Variants in TFDP2 observed in about 807,000 individuals in gnomAD.
TFDP2 encodes transcription factor Dp-2.
Under a neutral mutation model 59.3 loss-of-function variants are expected in TFDP2, and 17 were observed. The observed-to-expected ratio is 0.29, with a 90% confidence interval of 0.20 to 0.43. The LOEUF is 0.43. Among genes scored for constraint, TFDP2 ranks in the 20% least tolerant of loss-of-function variants. The pLI is 1.00. For missense variants in TFDP2, 391 were observed against 528.8 expected (o/e 0.74, Z 2.56); for synonymous variants, 180 against 194.7 (o/e 0.92, Z 0.63).
At chr3:141,992,711 CACT>C (rs1942906370) in intron 6 of TFDP2, among the ~76,000 whole-genome samples, 1 of 152,188 alleles carries the variant, frequency 6.6e-6, no homozygotes. Context: ...ACTGAAACAG[CACT>C]AGTGTCAGGG....
chr3:142,126,883 T>C (rs1170335033), intron 1 of TFDP2, among the ~76,000 whole-genome samples: 1 of 148,942 alleles, frequency 6.7e-6, no homozygotes, highest in East Asian at 2.0e-4. Flanking sequence ...AAGGCGGAGG[T>C]TGCAGTGAGC....
intron 1 of TFDP2, among the ~76,000 whole-genome samples, chr3:142,147,663 G>GT (rs2063222662): frequency 6.6e-6 from 1 of 152,124 alleles, no homozygotes; most frequent in South Asian, 2.1e-4. Context: ...ATTAACAAAT[G>GT]TAAGGGCCAC....
rs1321830479 is a variant in TFDP2 at position 142,061,897 on chromosome 3, C to G, written c.82+31164G>C. On this transcript the variant is annotated intron_variant, in intron 3 of 12. Transcript: ENST00000489671. ...TTCTCTCTCTCTCTCTCTACACACA[C>G]ACACACACACACACACACACACACA... is the stretch of plus-strand genomic sequence containing the variant. Among the ~76,000 whole-genome samples, 12 of 93,134 alleles carry G rather than the reference C, an allele frequency of 1.3e-4. No homozygotes were observed. In the East Asian group the frequency reaches 2.8e-3, roughly 22 times the overall value. 61.1% of individuals were successfully genotyped at this position (93,134 alleles called of 152,430 possible).
intron 3 of TFDP2, among the ~76,000 whole-genome samples, chr3:142,082,426 T>C (rs970532465): frequency 2.0e-5 from 3 of 152,120 alleles, no homozygotes; most frequent in Non-Finnish European, 2.9e-5. Flanking sequence ...CCCCAGTCCA[T>C]GGAAAAATTG....
At chr3:142,146,177 G>A (rs1352335460) in intron 1 of TFDP2, among the ~76,000 whole-genome samples, 2 of 151,958 alleles carry the variant, frequency 1.3e-5, no homozygotes, top group Non-Finnish European at 2.9e-5. Flanking sequence ...AATGTCAACA[G>A]ACTAGAAGCA....
intron 3 of TFDP2, among the ~76,000 whole-genome samples, chr3:142,013,963 A>T (rs1044226652): frequency 1.3e-5 from 2 of 152,070 alleles, no homozygotes; most frequent in Non-Finnish European, 2.9e-5. Context: ...TTTAGGAAAA[A>T]CCTTCTTCAC....
rs372005136 is a variant in TFDP2 at position 142,008,500 on chromosome 3, ATACTT to A, written c.83-2961_83-2957del. Among the ~76,000 whole-genome samples, 152 of 152,150 alleles carry A rather than the reference ATACTT, an allele frequency of 1.0e-3. 1 individual carries two copies. Among genetic ancestry groups the A allele is most frequent in the African/African-American group, 3.4e-3 (143 of 41,506 alleles). On this transcript the variant is annotated intron_variant, in intron 3 of 12. Transcript: ENST00000489671. The stretch of plus-strand genomic sequence containing the variant: ...GTACCCCACAATCCAACCAGATTAA[ATACTT>A]TACATTTCCAGAGAGGCCCCAATTC...
At chr3:141,967,541 G>A (rs1340866406) in intron 9 of TFDP2, among the ~76,000 whole-genome samples, 4 of 151,934 alleles carry the variant, frequency 2.6e-5, no homozygotes, top group African/African-American at 7.3e-5. Flanking sequence ...TGATCTGCCC[G>A]TCTCCGCCTC....
At chr3:141,986,930 G>A (rs566998224) in intron 6 of TFDP2, among the ~76,000 whole-genome samples, 6 of 152,114 alleles carry the variant, frequency 3.9e-5, no homozygotes, top group Admixed American at 1.3e-4. Flanking sequence ...TTACTGGCCC[G>A]TTTGTATTTT....
At chr3:142,062,724 C>G (rs187841639) in intron 3 of TFDP2, among the ~76,000 whole-genome samples, 140 of 152,046 alleles carry the variant, frequency 9.2e-4, no homozygotes, top group African/African-American at 3.3e-3. Flanking sequence ...TCATAATATT[C>G]CCAAACTTAA....
intron 3 of TFDP2, among the ~76,000 whole-genome samples, chr3:142,053,230 A>T (rs751455826): frequency 6.6e-6 from 1 of 152,124 alleles, no homozygotes; most frequent in African/African-American, 2.4e-5. Context: ...GTAATCCTCA[A>T]TGTTGGAGGT....
Position 141,953,858 on chromosome 3 carries a change from G to A in TFDP2, c.1052-842C>T, listed in dbSNP as rs185808888. On this transcript the variant is annotated intron_variant, in intron 11 of 12. Transcript: ENST00000489671. The stretch of plus-strand genomic sequence containing the variant: ...TGTTTTTAATGAGGCAGACACAGAC[G>A]TTACTGTTTTAGTCTACAGAAAATA... Among the ~76,000 whole-genome samples, 7 of 143,272 alleles carry A rather than the reference G, an allele frequency of 4.9e-5. No homozygotes were observed. The East Asian group carries it at 1.0e-3, about 21-fold the overall frequency. 94.0% of individuals were successfully genotyped at this position (143,272 alleles called of 152,430 possible).
intron 9 of TFDP2, among the ~76,000 whole-genome samples, chr3:141,965,598 A>G (rs957865542): frequency 2.7e-5 from 4 of 147,994 alleles, no homozygotes; most frequent in African/African-American, 7.6e-5. Context: ...AAGGGGAAGG[A>G]AAGGAAAGGA....
intron 11 of TFDP2, among the ~76,000 whole-genome samples, chr3:141,956,758 CAAAA>C (rs78741276): frequency 7.7e-6 from 1 of 130,662 alleles, no homozygotes; most frequent in Non-Finnish European, 1.7e-5. Context: ...CCAAACATAT[CAAAA>C]AAAAAAAAAA....
chr3:142,025,065 T>G (rs978786487), intron 3 of TFDP2, among the ~76,000 whole-genome samples: 2 of 152,098 alleles, frequency 1.3e-5, no homozygotes, highest in African/African-American at 4.8e-5. Context: ...AAATTGATTA[T>G]GACTGGAAGT....
At position 142,149,202 on chromosome 3, in the gene TFDP2, A is replaced by T. The variant is rs948012885; in HGVS notation, c.-112T>A. On this transcript the variant is annotated 5_prime_UTR_variant, in exon 1 of 13. Coordinates refer to ENST00000489671, the MANE Select transcript of TFDP2 (RefSeq NM_001178139.2). The stretch of plus-strand genomic sequence containing the variant: ...CCTTACCGCCTTCGGCTGCAGAAGA[A>T]CTGGCGGCCAAGCGAGGCTGTCGGG... 93 of 397,446 alleles carry T rather than the reference A, an allele frequency of 2.3e-4. No homozygotes were observed. The highest frequency in any genetic ancestry group is 3.7e-4 in the Non-Finnish European group (83 of 225,430). 24.6% of individuals were successfully genotyped at this position (397,446 alleles called of 1,614,324 possible). A position where few individuals can be genotyped will look rare whatever the true frequency, so the allele number is the denominator to read the frequency against.
At chr3:142,066,913 T>C (rs1456787680) in intron 3 of TFDP2, among the ~76,000 whole-genome samples, 1 of 152,126 alleles carries the variant, frequency 6.6e-6, no homozygotes, top group African/African-American at 2.4e-5. Flanking sequence ...CATGTAATCA[T>C]TGCAACAGGG....
intron 3 of TFDP2, among the ~76,000 whole-genome samples, chr3:142,014,930 C>T (rs1945016046): frequency 6.6e-6 from 1 of 152,218 alleles, no homozygotes; most frequent in Admixed American, 6.5e-5. Context: ...TCCACTTCCT[C>T]CACATCTCAG....
chr3:142,045,787 A>C (rs886318416), intron 3 of TFDP2, among the ~76,000 whole-genome samples: 1 of 144,264 alleles, frequency 6.9e-6, no homozygotes, highest in Non-Finnish European at 1.5e-5. Context: ...TAATTTTTGT[A>C]CTTTTTTTTT....
Sources: allele counts gnomAD v4.1 joint callset (sites outside exome capture counted in the v4.1 genomes callset), GRCh38; gene constraint gnomAD v4.1.1; transcripts MANE v1.5; gene names NCBI Gene and HGNC (gene_info 2026-07-23, HGNC 2026-07-21).